The following DPP10 variants were observed in gnomAD, a reference collection of about 807,000 sequenced individuals.
DPP10 encodes the protein dipeptidyl peptidase like 10.
A neutral mutation model predicts 120.9 loss-of-function variants in DPP10; 33 were observed. That is an observed-to-expected ratio of 0.27 (90% CI 0.21 to 0.37). The LOEUF is 0.37. Ranked by LOEUF, DPP10 falls within the 10% of genes least tolerant of loss-of-function variation. DPP10 has a pLI of 1.00. For synonymous variants in DPP10, 337 were observed against 326.1 expected, an observed-to-expected ratio of 1.03 and a Z score of -0.36; for missense variants, 816 against 942.8, an observed-to-expected ratio of 0.87 and a Z score of 1.76.
chr2:114,845,781 T>C (rs372743636), intron 1 of DPP10, among the ~76,000 whole-genome samples: 10 of 152,294 alleles, frequency 6.6e-5, no homozygotes, highest in African/African-American at 1.9e-4. Context: ...ATAGATACTT[T>C]CTCAGGAAAC....
At chr2:114,703,446 TG>T (rs2105826233) in intron 1 of DPP10, among the ~76,000 whole-genome samples, 1 of 152,330 alleles carries the variant, frequency 6.6e-6, no homozygotes, top group Admixed American at 6.5e-5. Context: ...GACATAAGTT[TG>T]TTTTTAGGCT....
chr2:114,808,863 C>T (rs943212507), intron 1 of DPP10, among the ~76,000 whole-genome samples: 6 of 152,140 alleles, frequency 3.9e-5, no homozygotes. Flanking sequence ...ACTCCCCACC[C>T]CTAGTTTCTC....
chr2:115,389,589 CA>C (rs1370608254), intron 3 of DPP10, among the ~76,000 whole-genome samples: 1 of 152,058 alleles, frequency 6.6e-6, no homozygotes, highest in Non-Finnish European at 1.5e-5. Context: ...GTTATGAAGT[CA>C]AGTGTGTTTG....
intron 5 of DPP10, among the ~76,000 whole-genome samples, chr2:115,607,430 T>C (rs2083773286): frequency 6.6e-6 from 1 of 152,158 alleles, no homozygotes; most frequent in Non-Finnish European, 1.5e-5. Flanking sequence ...TTAACAACTG[T>C]TTATGTACAA....
At chr2:114,515,357 A>G (rs981779938) in intron 1 of DPP10, among the ~76,000 whole-genome samples, 1 of 152,212 alleles carries the variant, frequency 6.6e-6, no homozygotes, top group Non-Finnish European at 1.5e-5. Context: ...TTGGCAACAG[A>G]CATCTGGCCC....
intron 1 of DPP10, among the ~76,000 whole-genome samples, chr2:114,638,444 C>A (rs1232690826): frequency 6.6e-6 from 1 of 151,302 alleles, no homozygotes; most frequent in Non-Finnish European, 1.5e-5. Context: ...ACAAATAATC[C>A]CATCAAAAAA....
At chr2:114,691,495 G>A (rs769275903) in intron 1 of DPP10, among the ~76,000 whole-genome samples, 5 of 151,966 alleles carry the variant, frequency 3.3e-5, no homozygotes, top group Admixed American at 1.3e-4. Flanking sequence ...TTTTGCATCA[G>A]CGTTCATCAA....
At chr2:115,775,673 A>G (rs956526227) in intron 13 of DPP10, among the ~76,000 whole-genome samples, 3 of 152,106 alleles carry the variant, frequency 2.0e-5, no homozygotes, top group Non-Finnish European at 4.4e-5. Flanking sequence ...TGTCTTTAGT[A>G]CAATTTATGA....
At chr2:115,506,813 A>G (rs2076968403) in intron 4 of DPP10, among the ~76,000 whole-genome samples, 1 of 152,150 alleles carries the variant, frequency 6.6e-6, no homozygotes, top group Non-Finnish European at 1.5e-5. Flanking sequence ...GAAACATTAT[A>G]TAGTGAGTGG....
At chr2:115,336,636 A>G (rs1219402681) in intron 2 of DPP10, among the ~76,000 whole-genome samples, 1 of 151,040 alleles carries the variant, frequency 6.6e-6, no homozygotes, top group Non-Finnish European at 1.5e-5. Context: ...ATATTTTGTT[A>G]CAGAATCACT....
At chr2:114,607,171 T>C (rs548894501) in intron 1 of DPP10, among the ~76,000 whole-genome samples, 5 of 152,292 alleles carry the variant, frequency 3.3e-5, no homozygotes, top group Middle Eastern at 6.8e-3. Context: ...CACTGGCTTT[T>C]ATAGAAAACA....
chr2:115,270,360 C>CA (rs563870423), intron 1 of DPP10, among the ~76,000 whole-genome samples: 3 of 151,994 alleles, frequency 2.0e-5, no homozygotes, highest in Admixed American at 2.0e-4. Flanking sequence ...GGCAAGGTTG[C>CA]AGGGGCAATG....
intron 7 of DPP10, among the ~76,000 whole-genome samples, chr2:115,708,424 T>C (rs2092206982): frequency 6.6e-6 from 1 of 152,022 alleles, no homozygotes; most frequent in African/African-American, 2.4e-5. Flanking sequence ...GGAAGTAGAA[T>C]GCAAAGATCA....
chr2:115,210,781 A>C (rs1425088704), intron 1 of DPP10, among the ~76,000 whole-genome samples: 1 of 151,994 alleles, frequency 6.6e-6, no homozygotes, highest in Admixed American at 6.6e-5. Flanking sequence ...GATGATGAGC[A>C]TTTTTTCATG....
chr2:114,960,773 G>A (rs1162581854), intron 1 of DPP10, among the ~76,000 whole-genome samples: 1 of 152,076 alleles, frequency 6.6e-6, no homozygotes, highest in Non-Finnish European at 1.5e-5. Flanking sequence ...GATGTCATTT[G>A]TATAAGCAAT....
intron 1 of DPP10, among the ~76,000 whole-genome samples, chr2:114,984,128 T>C (rs979734087): frequency 6.6e-6 from 1 of 152,212 alleles, no homozygotes; most frequent in Non-Finnish European, 1.5e-5. Context: ...CCTGTACTTA[T>C]TTCTTTCATA....
At chr2:114,794,102 T>C (rs1038296352) in intron 1 of DPP10, among the ~76,000 whole-genome samples, 5 of 152,168 alleles carry the variant, frequency 3.3e-5, no homozygotes, top group Admixed American at 3.3e-4. Flanking sequence ...AACAAGTTCA[T>C]ATTATGTTTT....
chr2:114,459,621 G>T (rs1362275957), intron 1 of DPP10, among the ~76,000 whole-genome samples: 1 of 152,066 alleles, frequency 6.6e-6, no homozygotes, highest in East Asian at 1.9e-4. Flanking sequence ...AGGCCTCATG[G>T]TGAGCTATGC....
At chr2:114,505,865 T>C (rs1449162223) in intron 1 of DPP10, among the ~76,000 whole-genome samples, 1 of 152,238 alleles carries the variant, frequency 6.6e-6, no homozygotes, top group African/African-American at 2.4e-5. Context: ...TATCATTTCA[T>C]TGTGACGAGT....
Sources: gnomAD v4.1 joint callset for allele counts (sites outside exome capture counted in the v4.1 genomes callset) on GRCh38, gnomAD v4.1.1 for gene constraint, MANE v1.5 for transcripts, NCBI Gene and HGNC (gene_info 2026-07-23, HGNC 2026-07-21) for gene names.